Variants in RSRC1 observed in about 807,000 individuals in gnomAD.
RSRC1 encodes the protein serine/Arginine-related protein 53.
Under a neutral mutation model 49.1 loss-of-function variants are expected in RSRC1, and 39 were observed. The observed-to-expected ratio is 0.79, with a 90% CI of 0.61 to 1.04. The LOEUF is 1.04. Among genes scored for constraint, RSRC1 ranks in the 50% least tolerant of loss-of-function variants. RSRC1 has a pLI of 0.00. For missense variants in RSRC1, 388 were observed against 402.4 expected (o/e 0.96, Z 0.31); for synonymous variants, 143 against 130.8 (o/e 1.09, Z -0.63).
chr3:158,139,591 C>T (rs1474983089), intron 3 of RSRC1, among the ~76,000 whole-genome samples: 4 of 150,672 alleles, frequency 2.7e-5, no homozygotes, highest in Admixed American at 6.6e-5. Context: ...TTCACAGAGA[C>T]GTGAAATTAA....
chr3:158,459,482 G>A (rs73877211), intron 6 of RSRC1, among the ~76,000 whole-genome samples: 12,314 of 152,060 alleles, frequency 0.081, 553 homozygotes, highest in South Asian at 0.14. Context: ...ATGGTTGTAA[G>A]GAGTAGAATG....
chr3:158,306,219 T>G (rs1292153151), intron 5 of RSRC1, among the ~76,000 whole-genome samples: 2 of 151,992 alleles, frequency 1.3e-5, no homozygotes, highest in East Asian at 3.8e-4. Flanking sequence ...GTCTTAATAG[T>G]TACCACTCAT....
chr3:158,208,905 G>A lies in RSRC1; in HGVS notation c.494+5660G>A, dbSNP rs1353274573. Among the ~76,000 whole-genome samples the A allele has an allele frequency of 1.1e-4, 16 of 152,094 alleles. 1 individual carries two copies. Among genetic ancestry groups the A allele is most frequent in the Admixed American group, 8.5e-4 (13 of 15,276 alleles). On this transcript the variant is annotated intron_variant, in intron 4 of 9. Transcript: ENST00000611884. ...GTCTTCTGTGGATTAACATATTATT[G>A]GACCTTCTTTACCTACATCTTGATC...
chr3:158,150,696 G>A (rs1282420393), intron 3 of RSRC1, among the ~76,000 whole-genome samples: 1 of 152,118 alleles, frequency 6.6e-6, no homozygotes, highest in African/African-American at 2.4e-5. Flanking sequence ...ATTTTGGGAA[G>A]TATTTTGGAG....
chr3:158,204,473 A>G (rs756408952), intron 4 of RSRC1, among the ~76,000 whole-genome samples: 4 of 152,272 alleles, frequency 2.6e-5, no homozygotes, highest in Non-Finnish European at 5.9e-5. Flanking sequence ...GTGAAATGTT[A>G]CAGGAGAGGA....
intron 4 of RSRC1, among the ~76,000 whole-genome samples, chr3:158,228,694 G>C (rs1044590186): frequency 6.6e-6 from 1 of 151,214 alleles, no homozygotes; most frequent in African/African-American, 2.4e-5. Context: ...TGCTGATAAC[G>C]ATTTTATAAA....
intron 5 of RSRC1, among the ~76,000 whole-genome samples, chr3:158,335,204 T>C (rs1250171105): frequency 6.6e-6 from 1 of 152,156 alleles, no homozygotes; most frequent in Non-Finnish European, 1.5e-5. Flanking sequence ...GAATATTCTG[T>C]AGATTGTGAA....
chr3:158,111,475 A>G (rs920202169), intron 1 of RSRC1, among the ~76,000 whole-genome samples: 1 of 152,258 alleles, frequency 6.6e-6, no homozygotes, highest in Non-Finnish European at 1.5e-5. Flanking sequence ...TCCTGCTTTC[A>G]TGTTCAAACC....
At chr3:158,268,462 T>C (rs1053324191) in intron 4 of RSRC1, among the ~76,000 whole-genome samples, 6 of 152,162 alleles carry the variant, frequency 3.9e-5, no homozygotes, top group African/African-American at 1.4e-4. Context: ...TTTTCTGTTC[T>C]TTTAGCCCTG....
chr3:158,223,503 A>G (rs1722339135), intron 4 of RSRC1, among the ~76,000 whole-genome samples: 1 of 151,446 alleles, frequency 6.6e-6, no homozygotes, highest in Non-Finnish European at 1.5e-5. Flanking sequence ...CTTTGTCTCC[A>G]CTGGTATCTT....
At chr3:158,362,539 A>T (rs2108253541) in intron 6 of RSRC1, among the ~76,000 whole-genome samples, 1 of 152,350 alleles carries the variant, frequency 6.6e-6, no homozygotes, top group East Asian at 1.9e-4. Context: ...GATGGATTTT[A>T]TAATAAATAT....
intron 4 of RSRC1, among the ~76,000 whole-genome samples, chr3:158,252,450 CCA>C (rs1385469866): frequency 1.3e-5 from 2 of 152,174 alleles, no homozygotes; most frequent in Admixed American, 1.3e-4. Context: ...CAGGCGTAAG[CCA>C]CCACGCCCGG....
At chr3:158,177,428 G>A (rs1270409236) in intron 3 of RSRC1, among the ~76,000 whole-genome samples, 1 of 152,172 alleles carries the variant, frequency 6.6e-6, no homozygotes, top group Non-Finnish European at 1.5e-5. Context: ...TTAAGAAAAT[G>A]TGGCACATAT....
intron 3 of RSRC1, among the ~76,000 whole-genome samples, chr3:158,202,761 T>C (rs1721131759): frequency 6.6e-6 from 1 of 151,734 alleles, no homozygotes; most frequent in Non-Finnish European, 1.5e-5. Flanking sequence ...AGGAAAGCCT[T>C]ATTCTTGTAG....
chr3:158,285,463 G>T (rs567252298), intron 4 of RSRC1, among the ~76,000 whole-genome samples: 7 of 152,182 alleles, frequency 4.6e-5, no homozygotes, highest in Admixed American at 4.6e-4. Context: ...GGATGGCATT[G>T]AATCTATAAA....
At chr3:158,536,094 C>G (rs1255003545) in intron 7 of RSRC1, among the ~76,000 whole-genome samples, 1 of 151,238 alleles carries the variant, frequency 6.6e-6, no homozygotes, top group Non-Finnish European at 1.5e-5. Flanking sequence ...TCACCTTGTC[C>G]CCAATGATCA....
At chr3:158,218,156 C>G (rs1722054067) in intron 4 of RSRC1, among the ~76,000 whole-genome samples, 1 of 151,612 alleles carries the variant, frequency 6.6e-6, no homozygotes, top group Admixed American at 6.6e-5. Context: ...ATTTTGGTCT[C>G]TATCTTAAGG....
chr3:158,160,531 A>C (rs1356287807), intron 3 of RSRC1, among the ~76,000 whole-genome samples: 3 of 152,094 alleles, frequency 2.0e-5, no homozygotes, highest in African/African-American at 2.4e-5. Context: ...AGAAAAATAA[A>C]TTGTCATGAA....
intron 3 of RSRC1, among the ~76,000 whole-genome samples, chr3:158,165,929 T>G (rs73874313): frequency 0.081 from 12,409 of 152,262 alleles, 603 homozygotes; most frequent in South Asian, 0.13. Flanking sequence ...GGTGAAAGTT[T>G]CTACTCAAGG....
Sources: allele counts gnomAD v4.1 joint callset (sites outside exome capture counted in the v4.1 genomes callset), GRCh38; gene constraint gnomAD v4.1.1; transcripts MANE v1.5; gene names NCBI Gene and HGNC (gene_info 2026-07-23, HGNC 2026-07-21).